ZNF320: variants seen among roughly 807,000 people sequenced by gnomAD.
ZNF320 encodes zinc finger gene 320.
ZNF320 carries 2 observed loss-of-function variants against 6.8 expected under a neutral mutation model. The observed-to-expected ratio is 0.29, with a 90% CI of 0.12 to 0.93. The LOEUF (loss-of-function observed/expected upper bound fraction) is 0.93. Ranked by LOEUF, ZNF320 falls within the 40% of genes least tolerant of loss-of-function variation. The pLI is 0.55. For missense variants in ZNF320, 472 were observed against 611.0 expected (o/e 0.77, Z 2.40); for synonymous variants, 208 against 203.2 (o/e 1.02, Z -0.20).
chr19:52,864,190 T>C (rs766975421), intron 5 of ZNF320: 11 of 222,072 alleles, frequency 5.0e-5, no homozygotes, highest in Non-Finnish European at 9.4e-5. Flanking sequence ...AAATAAAACA[T>C]TATGGAGGCG....
chr19:52,884,272 C>A (rs992041676), intron 5 of ZNF320, among the ~76,000 whole-genome samples: 2 of 151,964 alleles, frequency 1.3e-5, no homozygotes, highest in African/African-American at 2.4e-5. Context: ...TCGAGTCACG[C>A]TCTTATCACC....
chr19:52,893,175 A>C (rs1270358961), intron 2 of ZNF320, among the ~76,000 whole-genome samples: 1 of 151,652 alleles, frequency 6.6e-6, no homozygotes, highest in Non-Finnish European at 1.5e-5. Flanking sequence ...GGACACCTTC[A>C]TGTCAGAGGA....
chr19:52,902,304 CAG>C (rs1239967989), upstream of ZNF320, among the ~76,000 whole-genome samples: 2 of 152,180 alleles, frequency 1.3e-5, no homozygotes, highest in African/African-American at 4.8e-5. Flanking sequence ...CGGGATATAG[CAG>C]AGAGAGCTAT....
chr19:52,866,192 T>TTA (rs1259177804), intron 5 of ZNF320, among the ~76,000 whole-genome samples: 4 of 103,076 alleles, frequency 3.9e-5, no homozygotes, highest in Non-Finnish European at 7.5e-5. Flanking sequence ...ATACATATAT[T>TTA]TATATATATG....
chr19:52,864,953 CA>C (rs2063517399), intron 5 of ZNF320, among the ~76,000 whole-genome samples: 1 of 151,982 alleles, frequency 6.6e-6, no homozygotes, highest in Non-Finnish European at 1.5e-5. Flanking sequence ...GTAGAGCTTG[CA>C]GTGAGCCGAG....
the ZNF320 span, among the ~76,000 whole-genome samples, chr19:52,903,590 C>G: frequency 6.6e-6 from 1 of 152,128 alleles, no homozygotes; most frequent in Non-Finnish European, 1.5e-5. Flanking sequence ...CTATTTCACA[C>G]AAAGTTCTAA....
Position 52,879,892 on chromosome 19 carries a change from T to C in ZNF320, c.*704A>G, listed in dbSNP as rs568861637. On this transcript the variant is annotated 3_prime_UTR_variant, in exon 6 of 6. Coordinates refer to ENST00000682928, the MANE Select transcript of ZNF320 (RefSeq NM_001351774.2). ...GGAATAAATGAAAAAAGTTGAGAAG[T>C]TTCTACCTTCAAATCTACAAACATT... 6.6e-6 allele frequency: 1 copy of C among 152,224 alleles called. No individual in the cohort carries two copies. The highest frequency in any genetic ancestry group is 1.5e-5 in the Non-Finnish European group (1 of 67,988). The allele number at this position is 152,224 out of a possible 1,614,324, so 9.4% of individuals were successfully genotyped here.
downstream of ZNF320, among the ~76,000 whole-genome samples, chr19:52,859,598 TTCACA>T (rs1008958960): frequency 5.3e-5 from 8 of 152,262 alleles, no homozygotes; most frequent in African/African-American, 1.9e-4. Context: ...ATGTTAAGGT[TTCACA>T]CACAGGGAAA....
downstream of ZNF320, among the ~76,000 whole-genome samples, chr19:52,871,614 A>G (rs2063682467): frequency 6.6e-6 from 1 of 152,186 alleles, no homozygotes; most frequent in African/African-American, 2.4e-5. Flanking sequence ...CCAAACATGT[A>G]ATTACTCACT....
intron 1 of ZNF320, among the ~76,000 whole-genome samples, chr19:52,896,054 G>A (rs547137097): frequency 6.5e-4 from 99 of 152,270 alleles, no homozygotes; most frequent in Non-Finnish European, 9.7e-4. Context: ...AAACAATGAT[G>A]TGAGCTCATA....
chr19:52,889,112 C>T (rs113473675), intron 4 of ZNF320, among the ~76,000 whole-genome samples: 9,908 of 150,936 alleles, frequency 0.066, 475 homozygotes, highest in African/African-American at 0.14. Flanking sequence ...TGAACCTGGG[C>T]GGCGGAGTTT....
exon 6 of ZNF320, among the ~76,000 whole-genome samples, chr19:52,861,386 ATT>A (rs2063486324): frequency 6.6e-6 from 1 of 152,212 alleles, no homozygotes; most frequent in Admixed American, 6.5e-5. Context: ...TAGAACCCAT[ATT>A]GATGGATTGG....
In ZNF320 at chr19:52,865,660, T is replaced by C. The variant is rs1412597120; in HGVS notation, c.224-1501A>G. On this transcript the variant is annotated intron_variant, in intron 5 of 5. Coordinates refer to the ZNF320 transcript ENST00000673631. ...ATACATATATATTTATATATGATTA[T>C]ACATATATATTATATGATTATACAT... 3.2e-5 allele frequency among the ~76,000 whole-genome samples: 4 copies of C among 125,030 alleles called. No individual in the cohort carries two copies. In the South Asian group the frequency reaches 6.8e-4, roughly 21 times the overall value. The allele number at this position is 125,030 out of a possible 152,430, so 82.0% of individuals were successfully genotyped here. A position where few individuals can be genotyped will look rare whatever the true frequency, so the allele number is the denominator to read the frequency against.
At chr19:52,897,360 G>GAGGACTTGAAACAGCGCGAGGCA (rs2064507061) in intron 1 of ZNF320, 160 bp downstream of exon 1, 1 of 152,238 alleles carries the variant, frequency 6.6e-6, no homozygotes, top group Admixed American at 6.5e-5. Flanking sequence ...GCTCGCGGGT[G>GAGGACTTGAAACAGCGCGAGGCA]AGGACTTGAA....
chr19:52,869,785 G>C (rs1290033538), intron 5 of ZNF320, among the ~76,000 whole-genome samples: 1 of 151,926 alleles, frequency 6.6e-6, no homozygotes, highest in Non-Finnish European at 1.5e-5. Context: ...GTGCGATCTC[G>C]GCACACTGCA....
At chr19:52,873,089 G>A (rs1453192680), downstream of ZNF320, among the ~76,000 whole-genome samples, 9 of 151,948 alleles carry the variant, frequency 5.9e-5, no homozygotes, top group East Asian at 1.9e-4. Context: ...ATGTACAATC[G>A]GGTTTTACAC....
chr19:52,881,479 T>G lies in ZNF320; in HGVS notation c.647A>C (p.His216Pro), dbSNP rs544161279. ...CTTGCCACATTCATTACATGTGTAA[T>G]GTTTGTCTCCCCTGTGAATTCTAGT... ...KHTRIHRGDKHYTCNECGKVF... is the reference protein window; with the variant it reads ...KHTRIHRGDKPYTCNECGKVF... The change falls in exon 6 of 6, where the codon CAT (histidine) becomes CCT (proline). Residue 216 changes from histidine to proline, a missense_variant. Coordinates refer to ENST00000682928, the MANE Select transcript of ZNF320 (RefSeq NM_001351774.2). The G allele has an allele frequency of 6.2e-7, 1 of 1,614,180 alleles. No individual in the cohort carries two copies. Among genetic ancestry groups the G allele is most frequent in the East Asian group, 2.2e-5 (1 of 44,874 alleles).
exon 6 of ZNF320, chr19:52,864,045 G>T: frequency 2.0e-6 from 1 of 502,674 alleles, no homozygotes; most frequent in Non-Finnish European, 3.9e-6. Flanking sequence ...ACAGACTCCA[G>T]GTTCCTGTAG....
At chr19:52,873,368 C>A (rs1043711094), downstream of ZNF320, among the ~76,000 whole-genome samples, 6 of 152,180 alleles carry the variant, frequency 3.9e-5, no homozygotes, top group African/African-American at 1.4e-4. Flanking sequence ...TGGAGAATGG[C>A]GATGCCTTTC....
Sources: gnomAD v4.1 joint callset for allele counts (sites outside exome capture counted in the v4.1 genomes callset) on GRCh38, gnomAD v4.1.1 for gene constraint, MANE v1.5 for transcripts, NCBI Gene and HGNC (gene_info 2026-07-23, HGNC 2026-07-21) for gene names.